HERC3: variants seen among roughly 807,000 people sequenced by gnomAD.
HERC3 encodes the protein HECT and RLD domain containing E3 ubiquitin protein ligase 3.
Under a neutral mutation model 129.9 loss-of-function variants are expected in HERC3, and 58 were observed. The observed-to-expected ratio is 0.45, with a 90% CI of 0.36 to 0.56. The LOEUF (loss-of-function observed/expected upper bound fraction) is 0.56. HERC3 is among the 20% of genes least tolerant of loss of function. The pLI, the probability that HERC3 is intolerant of heterozygous loss-of-function variation, is 0.00. For synonymous variants in HERC3, 430 were observed against 451.0 expected, an observed-to-expected ratio of 0.95 and a Z score of 0.59; for missense variants, 835 against 1,244.2, an observed-to-expected ratio of 0.67 and a Z score of 4.95.
At chr4:88,680,063 G>C in intron 19 of HERC3, 30 bp from the exon 20 acceptor site, 1 of 1,577,262 alleles carries the variant, frequency 6.3e-7, no homozygotes, top group Non-Finnish European at 8.6e-7. Context: ...AGATTTCCCG[G>C]AAGCATTAAT....
intron 3 of HERC3, among the ~76,000 whole-genome samples, chr4:88,648,101 A>G (rs1728893009): frequency 6.6e-6 from 1 of 152,138 alleles, no homozygotes; most frequent in Non-Finnish European, 1.5e-5. Flanking sequence ...TAAATCATTT[A>G]GTTTTTCCTG....
the HERC3 span, among the ~76,000 whole-genome samples, chr4:88,558,249 C>A: frequency 3.3e-5 from 5 of 152,090 alleles, no homozygotes; most frequent in Admixed American, 1.3e-4. Context: ...TGGAACCAAC[C>A]TAAGTGCCCC....
the HERC3 span, among the ~76,000 whole-genome samples, chr4:88,580,916 T>G: frequency 6.6e-6 from 1 of 152,198 alleles, no homozygotes; most frequent in Non-Finnish European, 1.5e-5. Flanking sequence ...AATCCATGAA[T>G]ACTCCTAGAA....
At chr4:88,669,827 A>G (rs1482874074) in intron 14 of HERC3, 33 bp from the exon 15 acceptor site, 1 of 1,580,928 alleles carries the variant, frequency 6.3e-7, no homozygotes, top group Non-Finnish European at 8.7e-7. Context: ...CCAAGATTAC[A>G]TGTTGAAATA....
chr4:88,669,332 G>T (rs955782028), intron 14 of HERC3, among the ~76,000 whole-genome samples: 1 of 152,138 alleles, frequency 6.6e-6, no homozygotes, highest in Non-Finnish European at 1.5e-5. Flanking sequence ...TAAGCCAGTG[G>T]TATATCTTCT....
chr4:88,583,470 A>G, the HERC3 span, among the ~76,000 whole-genome samples: 2 of 152,038 alleles, frequency 1.3e-5, no homozygotes, highest in African/African-American at 4.8e-5. Context: ...AAATGTAATT[A>G]TATGTAATTA....
At chr4:88,593,370 T>G (rs181370866) in intron 1 of HERC3, 22 of 151,906 alleles carry the variant, frequency 1.4e-4, no homozygotes, top group African/African-American at 5.3e-4. Context: ...ATGTGTGGAG[T>G]GGGCAAACCA....
chr4:88,676,467 C>G lies in HERC3; in HGVS notation c.2025+44C>G, dbSNP rs1434360619. On this transcript the variant is annotated intron_variant, in intron 18 of 25. Coordinates refer to ENST00000402738, the MANE Select transcript of HERC3 (RefSeq NM_014606.3). ...TATTTCTTCTTTTTACTGTGTTTCT[C>G]CCATTCTAGACATTCAGTTGTAATT... 2.3e-6 allele frequency: 3 copies of G among 1,326,828 alleles called. No individual in the cohort carries two copies. The South Asian group carries it at 3.6e-5, about 16-fold the overall frequency. The allele number at this position is 1,326,828 out of a possible 1,614,324, so 82.2% of individuals were successfully genotyped here.
the HERC3 span, among the ~76,000 whole-genome samples, chr4:88,548,087 TCATC>T: frequency 6.6e-6 from 1 of 152,236 alleles, no homozygotes; most frequent in Non-Finnish European, 1.5e-5. Context: ...CGTATTTTAT[TCATC>T]CATTCATCAG....
In HERC3 at chr4:88,595,608, A is replaced by T. The variant is rs910394351; in HGVS notation, c.-36A>T. The T allele has an allele frequency of 4.6e-5, 7 of 152,176 alleles. No homozygotes were observed. The highest frequency in any genetic ancestry group is 1.4e-4 in the African/African-American group (6 of 41,436). 9.4% of individuals were successfully genotyped at this position (152,176 alleles called of 1,614,324 possible). A position where few individuals can be genotyped will look rare whatever the true frequency, so the allele number is the denominator to read the frequency against. On this transcript the variant is annotated 5_prime_UTR_variant, in exon 2 of 26. An upstream open reading frame in the 5' UTR loses its in-frame stop. Coordinates refer to ENST00000402738, the MANE Select transcript of HERC3 (RefSeq NM_014606.3). Reference sequence around the variant, plus strand: ...CTTCTAGTCCAATGCCAAGTGTGTGACCTGTGGTGAGTTACTTAATTTTTC... The same window carrying T: ...CTTCTAGTCCAATGCCAAGTGTGTGTCCTGTGGTGAGTTACTTAATTTTTC...
intron 3 of HERC3, among the ~76,000 whole-genome samples, chr4:88,622,945 A>C (rs1725700898): frequency 6.6e-6 from 1 of 152,074 alleles, no homozygotes; most frequent in Admixed American, 6.5e-5. Context: ...CAAAAACAAA[A>C]ATGCAGATCT....
At chr4:88,672,138 T>G (rs1165553957) in intron 16 of HERC3, among the ~76,000 whole-genome samples, 1 of 152,194 alleles carries the variant, frequency 6.6e-6, no homozygotes, top group Non-Finnish European at 1.5e-5. Context: ...ATCTACCCTT[T>G]CTGTGACTTG....
chr4:88,676,768 A>G (rs774832133), intron 18 of HERC3, among the ~76,000 whole-genome samples: 1 of 152,260 alleles, frequency 6.6e-6, no homozygotes, highest in Non-Finnish European at 1.5e-5. Context: ...AACTTTATGT[A>G]TGTTGAAATT....
chr4:88,700,703 G>T (rs374059816), intron 23 of HERC3, among the ~76,000 whole-genome samples: 7 of 152,096 alleles, frequency 4.6e-5, no homozygotes, highest in African/African-American at 1.7e-4. Context: ...AAGCCGAGGG[G>T]GGTGGGGGCA....
the HERC3 span, among the ~76,000 whole-genome samples, chr4:88,564,064 T>C: frequency 1.0e-3 from 152 of 152,366 alleles, 1 homozygote; most frequent in African/African-American, 3.3e-3. Context: ...TTTTTGTCCT[T>C]GATTCTGTTG....
Position 88,706,571 on chromosome 4 carries a change from C to CTT in HERC3, c.2945-172_2945-171dup, listed in dbSNP as rs374738002. Among the ~76,000 whole-genome samples, 243 of 149,136 alleles carry CTT rather than the reference C, an allele frequency of 1.6e-3. 1 individual carries two copies. The highest frequency in any genetic ancestry group is 6.8e-3 in the Middle Eastern group (2 of 292). On this transcript the variant is annotated intron_variant, in intron 25 of 25. Coordinates refer to ENST00000402738, the MANE Select transcript of HERC3 (RefSeq NM_014606.3). ...GTGAGGGTGTACATTTGATTGAGGC[C>CTT]TTTTTTTTTTCTTAACGGCATCTAA...
the HERC3 span, among the ~76,000 whole-genome samples, chr4:88,526,536 AT>A: frequency 6.6e-6 from 1 of 151,898 alleles, no homozygotes; most frequent in South Asian, 2.1e-4. Flanking sequence ...CTTATTTTTT[AT>A]TTTTATTTTA....
chr4:88,697,055 C>T, intron 23 of HERC3: 1 of 706,974 alleles, frequency 1.4e-6, no homozygotes, highest in South Asian at 3.5e-5. Context: ...GATCTAATTG[C>T]TTTAATTTAA....
chr4:88,588,055 C>T (rs1721576029), upstream of HERC3, among the ~76,000 whole-genome samples: 1 of 152,238 alleles, frequency 6.6e-6, no homozygotes, highest in Non-Finnish European at 1.5e-5. Flanking sequence ...CCATCCAATC[C>T]TGTTATCATT....
Sources: allele counts gnomAD v4.1 joint callset (sites outside exome capture counted in the v4.1 genomes callset), GRCh38; gene constraint gnomAD v4.1.1; transcripts MANE v1.5; gene names NCBI Gene and HGNC (gene_info 2026-07-23, HGNC 2026-07-21).